The following TRIT1 variants were observed in gnomAD, a reference collection of about 807,000 sequenced individuals.
TRIT1 encodes tRNA dimethylallyltransferase.
TRIT1 carries 43 observed loss-of-function variants against 51.2 expected under a neutral mutation model. The observed-to-expected ratio is 0.84, with a 90% CI of 0.66 to 1.08. The LOEUF is 1.08. Among genes scored for constraint, TRIT1 ranks in the 50% least tolerant of loss-of-function variants. TRIT1 has a pLI of 0.00. For synonymous variants in TRIT1, 184 were observed against 203.9 expected, an observed-to-expected ratio of 0.90 and a Z score of 0.83; for missense variants, 528 against 578.4, an observed-to-expected ratio of 0.91 and a Z score of 0.89.
At chr1:39,852,928 T>G in intron 3 of TRIT1, 52 bp from the exon 4 acceptor site, 1 of 1,592,440 alleles carries the variant, frequency 6.3e-7, no homozygotes, top group East Asian at 2.2e-5. Flanking sequence ...ACTGAGACAG[T>G]GTATGTGCCA....
At position 39,852,729 on chromosome 1, in the gene TRIT1, A is replaced by C. The variant is rs1236829312; in HGVS notation, c.560+2T>G. On this transcript the variant is annotated splice_donor_variant, in intron 4 of 10. Coordinates refer to ENST00000316891, the MANE Select transcript of TRIT1 (RefSeq NM_017646.6). LOFTEE classifies it high-confidence loss of function. ...TGGGGTCAGCGCGCCAGGCTTTCTTACCTGGCCACTTTGCGTTTGTCATGT... is the reference window on the plus strand; with the variant it reads ...TGGGGTCAGCGCGCCAGGCTTTCTTCCCTGGCCACTTTGCGTTTGTCATGT... 6.2e-7 allele frequency: 1 copy of C among 1,613,384 alleles called. No homozygotes were observed. Among genetic ancestry groups the C allele is most frequent in the Non-Finnish European group, 8.5e-7 (1 of 1,179,686 alleles).
chr1:39,845,138 C>G (rs1370292075), intron 8 of TRIT1, among the ~76,000 whole-genome samples: 1 of 152,208 alleles, frequency 6.6e-6, no homozygotes, highest in Non-Finnish European at 1.5e-5. Flanking sequence ...GGGCTGGGAA[C>G]AGAATCATAT....
chr1:39,843,928 G>C (rs1642069140), intron 10 of TRIT1, among the ~76,000 whole-genome samples, 173 bp downstream of exon 10: 1 of 152,204 alleles, frequency 6.6e-6, no homozygotes, highest in South Asian at 2.1e-4. Context: ...TCAGAATACA[G>C]AGACAAATTC....
intron 5 of TRIT1, among the ~76,000 whole-genome samples, chr1:39,849,030 T>A (rs1024612498): frequency 6.6e-6 from 1 of 152,188 alleles, no homozygotes; most frequent in Non-Finnish European, 1.5e-5. Context: ...TATGGCAGAT[T>A]AATTTAACAA....
At chr1:39,856,068 AG>A (rs1642880298) in intron 2 of TRIT1, among the ~76,000 whole-genome samples, 1 of 152,150 alleles carries the variant, frequency 6.6e-6, no homozygotes, top group South Asian at 2.1e-4. Context: ...GCACTTTGGA[AG>A]GCCGAGGCAG....
intron 10 of TRIT1, among the ~76,000 whole-genome samples, chr1:39,843,439 A>C (rs1476622366): frequency 6.6e-6 from 1 of 152,048 alleles, no homozygotes. Flanking sequence ...GTGCAGTGTG[A>C]CTCTGTGGCA....
intron 10 of TRIT1, 28 bp downstream of exon 10, chr1:39,844,073 T>C: frequency 6.5e-7 from 1 of 1,542,564 alleles, no homozygotes; most frequent in Non-Finnish European, 9.0e-7. Flanking sequence ...CCCTTATAGA[T>C]TTCTTCATGC....
In TRIT1 at chr1:39,839,788, T is replaced by C. The variant is rs1393097845; in HGVS notation, c.*1956A>G. On this transcript the variant is annotated 3_prime_UTR_variant, in exon 11 of 11. Transcript: ENST00000316891. ...GCCATAGAGATAACAATGAGTTCAA[T>C]GAGAAGTTACTGCTCCAGGTATTTC... 2.0e-5 allele frequency among the ~76,000 whole-genome samples: 3 copies of C among 152,086 alleles called. No homozygotes were observed. The highest frequency in any genetic ancestry group is 2.9e-5 in the Non-Finnish European group (2 of 67,998).
intron 5 of TRIT1, among the ~76,000 whole-genome samples, chr1:39,848,364 A>T (rs1295712261): frequency 6.6e-6 from 1 of 152,062 alleles, no homozygotes; most frequent in African/African-American, 2.4e-5. Flanking sequence ...GTGAAGGACA[A>T]ATATTTTATT....
intron 1 of TRIT1, among the ~76,000 whole-genome samples, chr1:39,869,032 C>G (rs1643713760): frequency 1.3e-5 from 2 of 152,202 alleles, no homozygotes; most frequent in African/African-American, 4.8e-5. Flanking sequence ...TGCACTTCAG[C>G]CTGGGCAACA....
chr1:39,858,994 G>A (rs61779841), intron 1 of TRIT1, among the ~76,000 whole-genome samples: 27,749 of 151,822 alleles, frequency 0.18, 2,680 homozygotes, highest in Non-Finnish European at 0.22. Context: ...GGTTCATGCC[G>A]GTAATCCCAG....
chr1:39,872,421 G>A (rs1263917148), intron 1 of TRIT1, among the ~76,000 whole-genome samples: 1 of 152,112 alleles, frequency 6.6e-6, no homozygotes, highest in African/African-American at 2.4e-5. Flanking sequence ...GGCAAACATT[G>A]TACTCTAGTT....
intron 1 of TRIT1, among the ~76,000 whole-genome samples, chr1:39,873,182 G>A (rs1643936111): frequency 6.6e-6 from 1 of 152,118 alleles, no homozygotes; most frequent in Non-Finnish European, 1.5e-5. Flanking sequence ...AACACAAAAA[G>A]AGAAAAATCG....
chr1:39,862,467 T>C (rs936935197), intron 1 of TRIT1, among the ~76,000 whole-genome samples: 1 of 152,236 alleles, frequency 6.6e-6, no homozygotes, highest in African/African-American at 2.4e-5. Flanking sequence ...TTCAGTTGAG[T>C]TGTGGTTACA....
chr1:39,845,905 G>A (rs1642196529), intron 8 of TRIT1, among the ~76,000 whole-genome samples: 1 of 152,152 alleles, frequency 6.6e-6, no homozygotes, highest in African/African-American at 2.4e-5. Flanking sequence ...ACACGAATGA[G>A]GAACAGGCAT....
At chr1:39,871,220 C>T (rs1251453680) in intron 1 of TRIT1, among the ~76,000 whole-genome samples, 1 of 150,578 alleles carries the variant, frequency 6.6e-6, no homozygotes, top group African/African-American at 2.4e-5. Context: ...ACTAGACAAA[C>T]TATGGTACAT....
chr1:39,855,769 T>G (rs780144496), intron 2 of TRIT1, among the ~76,000 whole-genome samples: 1 of 152,198 alleles, frequency 6.6e-6, no homozygotes, highest in African/African-American at 2.4e-5. Context: ...TAGGACATAC[T>G]TCACGGGAAA....
At chr1:39,848,911 T>G (rs1447862714) in intron 5 of TRIT1, among the ~76,000 whole-genome samples, 1 of 151,996 alleles carries the variant, frequency 6.6e-6, no homozygotes, top group Non-Finnish European at 1.5e-5. Flanking sequence ...TGTTCAGATG[T>G]GACAAACAGC....
At chr1:39,869,852 A>T (rs1643784888) in intron 1 of TRIT1, among the ~76,000 whole-genome samples, 1 of 151,708 alleles carries the variant, frequency 6.6e-6, no homozygotes, top group Admixed American at 6.6e-5. Context: ...CTGGGAAGTG[A>T]GGAGCGTCTC....
Sources: allele counts gnomAD v4.1 joint callset (sites outside exome capture counted in the v4.1 genomes callset), GRCh38; gene constraint gnomAD v4.1.1; transcripts MANE v1.5; gene names NCBI Gene and HGNC (gene_info 2026-07-23, HGNC 2026-07-21).